DISC1: variants seen among roughly 807,000 people sequenced by gnomAD.
DISC1 encodes the protein disrupted in schizophrenia 1 protein.
Under a neutral mutation model 84.5 loss-of-function variants are expected in DISC1, and 57 were observed. That is an observed-to-expected ratio of 0.67 (90% confidence interval 0.55 to 0.84). The LOEUF is 0.84. Ranked by LOEUF, DISC1 falls within the 40% of genes least tolerant of loss-of-function variation. DISC1 has a pLI of 0.00. For missense variants in DISC1, 1,000 were observed against 1,057.8 expected, an observed-to-expected ratio of 0.95 and a Z score of 0.76; for synonymous variants, 411 against 415.2, an observed-to-expected ratio of 0.99 and a Z score of 0.12.
chr1:231,677,904 G>A (rs936625637), intron 1 of DISC1, among the ~76,000 whole-genome samples: 3 of 152,078 alleles, frequency 2.0e-5, no homozygotes, highest in African/African-American at 4.8e-5. Context: ...TTGAACCTGC[G>A]AGGTGGTGGT....
chr1:231,956,596 T>C (rs752213213), intron 9 of DISC1, among the ~76,000 whole-genome samples: 2 of 152,184 alleles, frequency 1.3e-5, no homozygotes, highest in Non-Finnish European at 2.9e-5. Context: ...AAAATCCTGA[T>C]AGTGGCTTTC....
chr1:231,832,886 G>A (rs1184472830), intron 9 of DISC1, among the ~76,000 whole-genome samples: 1 of 141,152 alleles, frequency 7.1e-6, no homozygotes, highest in Non-Finnish European at 1.5e-5. Flanking sequence ...GCTTTAAAAG[G>A]CCATGCTGTA....
chr1:231,914,608 C>A (rs1241817025), intron 9 of DISC1, among the ~76,000 whole-genome samples: 2 of 152,196 alleles, frequency 1.3e-5, no homozygotes, highest in African/African-American at 4.8e-5. Flanking sequence ...TCCTGTCTGT[C>A]AGTCTCAGGG....
At chr1:232,013,203 A>C (rs182843588) in intron 11 of DISC1, among the ~76,000 whole-genome samples, 1 of 151,958 alleles carries the variant, frequency 6.6e-6, no homozygotes, top group African/African-American at 2.4e-5. Context: ...TTTCTACATA[A>C]TGGGCTCCCT....
Position 231,663,042 on chromosome 1 carries a change from A to T in DISC1, c.68-30784A>T, listed in dbSNP as rs1349137526. Among the ~76,000 whole-genome samples the T allele has an allele frequency of 2.0e-5, 3 of 152,334 alleles. No individual in the cohort carries two copies. In the East Asian group the frequency reaches 5.8e-4, roughly 29 times the overall value. ...GAAAAACGTCCAGTCAAAAGCATAG[A>T]TTGGCAGAATGAATTAAAGAAAAAC... On this transcript the variant is annotated intron_variant, in intron 1 of 12. Transcript: ENST00000439617.
chr1:232,008,853 G>C lies in DISC1; in HGVS notation c.2111G>C (p.Ser704Thr). 1 of 1,612,974 alleles carries C rather than the reference G, an allele frequency of 6.2e-7. No individual in the cohort carries two copies. The highest frequency in any genetic ancestry group is 8.5e-7 in the Non-Finnish European group (1 of 1,179,406). The stretch of plus-strand genomic sequence containing the variant: ...GAAGCTTGTCGATTGCTTATCCAGA[G>C]CCTACAGCTCCAGGAAGCCAGGGGA... ...DLEACRLLIQ[S>T]LQLQEARGSL... The change falls in exon 11 of 13, where the codon AGC becomes ACC. Residue 704 changes from serine (S) to threonine (T), a missense_variant. By Grantham distance (58) the Ser-to-Thr change is moderately conservative (BLOSUM62 1). Around this residue, in one of 3 missense-constraint regions of DISC1, gnomAD observed 397 missense variants for 377.5 expected, o/e 1.05. Transcript: ENST00000439617.
At chr1:231,953,878 C>G (rs1345749638) in intron 9 of DISC1, among the ~76,000 whole-genome samples, 2 of 152,166 alleles carry the variant, frequency 1.3e-5, no homozygotes, top group Admixed American at 6.5e-5. Context: ...GGTGGTGGGG[C>G]TGGAGTTTCT....
At chr1:231,918,081 G>A (rs1467859234) in intron 9 of DISC1, among the ~76,000 whole-genome samples, 7 of 152,224 alleles carry the variant, frequency 4.6e-5, no homozygotes, top group Admixed American at 3.9e-4. Flanking sequence ...ATATCCTCAG[G>A]GTCTGTGGAG....
At chr1:231,990,621 G>A (rs781213097) in intron 10 of DISC1, among the ~76,000 whole-genome samples, 1 of 152,152 alleles carries the variant, frequency 6.6e-6, no homozygotes, top group Non-Finnish European at 1.5e-5. Flanking sequence ...TTTCCGTCTC[G>A]CACTTGTGGG....
chr1:231,742,439 G>A (rs899855155), intron 3 of DISC1, among the ~76,000 whole-genome samples: 1 of 152,146 alleles, frequency 6.6e-6, no homozygotes, highest in African/African-American at 2.4e-5. Context: ...CTATGCAATT[G>A]CTGGTGACCA....
At chr1:231,681,689 G>A (rs924075879) in intron 1 of DISC1, among the ~76,000 whole-genome samples, 3 of 152,022 alleles carry the variant, frequency 2.0e-5, no homozygotes, top group Non-Finnish European at 4.4e-5. Context: ...AGGAGAATAG[G>A]CATAGACATT....
rs899427985 is a variant in DISC1, at chr1:232,031,046, G to A, written c.2425+4494G>A. ...TGCTTGAACCCAGGAGGTGGAGGTC[G>A]CAGTGAGCTGAGACTGCACACTACT... On this transcript the variant is annotated intron_variant, in intron 12 of 12. Transcript: ENST00000439617. The surrounding 1 kb of genome is among the most constrained non-coding windows in gnomAD (Gnocchi z 4.6). Among the ~76,000 whole-genome samples the A allele has an allele frequency of 1.3e-5, 2 of 151,822 alleles. No homozygotes were observed. Among genetic ancestry groups the A allele is most frequent in the Admixed American group, 6.6e-5 (1 of 15,222 alleles).
chr1:231,639,498 C>G (rs1365404674), intron 1 of DISC1, among the ~76,000 whole-genome samples: 1 of 152,150 alleles, frequency 6.6e-6, no homozygotes, highest in African/African-American at 2.4e-5. Flanking sequence ...AGGTACATTC[C>G]AAAGGCAAAC....
In DISC1 at chr1:232,036,771, G is replaced by C. The variant is rs759809991; in HGVS notation, c.2505G>C (p.Ala835=). Residue 835 remains alanine, a synonymous_variant, in exon 13 of 13, where the codon GCG becomes GCC. Transcript: ENST00000439617. The part of the protein sequence containing the change: ...MILQLQPAKE[A]GEREAAASCM... Reference sequence around the variant, plus strand: ...TGCAGCTCCAGCCAGCAAAGGAGGCGGGAGAAAGAGAAGCTGCAGCTTCCT... The same window carrying C: ...TGCAGCTCCAGCCAGCAAAGGAGGCCGGAGAAAGAGAAGCTGCAGCTTCCT... 1.2e-6 allele frequency: 2 copies of C among 1,605,852 alleles called. No homozygotes were observed. The highest frequency in any genetic ancestry group is 4.5e-5 in the East Asian group (2 of 44,640).
At chr1:231,900,735 A>G (rs2088108072) in intron 9 of DISC1, among the ~76,000 whole-genome samples, 1 of 152,186 alleles carries the variant, frequency 6.6e-6, no homozygotes, top group African/African-American at 2.4e-5. Flanking sequence ...CCTCAATGCT[A>G]TTGCTGATCT....
At chr1:231,701,417 T>C (rs1357842427) in intron 2 of DISC1, among the ~76,000 whole-genome samples, 1 of 152,182 alleles carries the variant, frequency 6.6e-6, no homozygotes, top group Non-Finnish European at 1.5e-5. Flanking sequence ...TGAGTCTCCA[T>C]GTGGGTTAAA....
chr1:231,845,027 A>C (rs1235329757), intron 9 of DISC1, among the ~76,000 whole-genome samples: 1 of 152,136 alleles, frequency 6.6e-6, no homozygotes, highest in Non-Finnish European at 1.5e-5. Flanking sequence ...AAGTTTTCTC[A>C]TGCAGCTGAA....
In DISC1 at chr1:232,040,283, C is replaced by T. The variant is rs12404162; in HGVS notation, c.*3452C>T. 0.033 allele frequency: 5,076 copies of T among 152,202 alleles called. 150 individuals carry two copies. The highest frequency in any genetic ancestry group is 0.16 in the East Asian group (808 of 5,162). 9.4% of individuals were successfully genotyped at this position (152,202 alleles called of 1,614,324 possible). A position where few individuals can be genotyped will look rare whatever the true frequency, so the allele number is the denominator to read the frequency against. Reference sequence around the variant, plus strand: ...TGCTGAGATTACAGGTGTGAGCCACCGCACCCGGCCAACTTTCTGAAATTT... The same window carrying T: ...TGCTGAGATTACAGGTGTGAGCCACTGCACCCGGCCAACTTTCTGAAATTT... On this transcript the variant is annotated 3_prime_UTR_variant, in exon 13 of 13. Coordinates refer to ENST00000439617, the MANE Select transcript of DISC1 (RefSeq NM_018662.3).
chr1:231,784,063 A>G (rs111286380), intron 6 of DISC1, among the ~76,000 whole-genome samples: 19,478 of 152,048 alleles, frequency 0.13, 1,561 homozygotes, highest in Non-Finnish European at 0.18. Context: ...GGAGTTTGAG[A>G]CCAGCCTGTC....
Sources: gnomAD v4.1 joint callset for allele counts (sites outside exome capture counted in the v4.1 genomes callset) on GRCh38, gnomAD v4.1.1 for gene constraint, gnomAD v4.1.1 regional missense constraint, Gnocchi (gnomAD v3.1) non-coding constraint, MANE v1.5 for transcripts, NCBI Gene and HGNC (gene_info 2026-07-23, HGNC 2026-07-21) for gene names.